IRAK3: variants seen among roughly 807,000 people sequenced by gnomAD.
IRAK3 encodes interleukin 1 receptor associated kinase 3, also known as interleukin-1 receptor-associated kinase 3.
In IRAK3, 57 loss-of-function variants were observed where a neutral mutation model predicts 56.6. That is an observed-to-expected ratio of 1.01 (90% confidence interval 0.81 to 1.26). The LOEUF is 1.26. Among genes scored for constraint, IRAK3 ranks in the 50% most tolerant of loss-of-function variants. IRAK3 has a pLI of 0.00. For missense variants in IRAK3, 703 were observed against 719.0 expected (o/e 0.98, Z 0.25); for synonymous variants, 258 against 255.7 (o/e 1.01, Z -0.09).
intron 6 of IRAK3, among the ~76,000 whole-genome samples, chr12:66,223,858 G>A (rs963355017): frequency 1.3e-5 from 2 of 150,816 alleles, no homozygotes; most frequent in African/African-American, 2.4e-5. Context: ...GGCAAAAACC[G>A]CAGTAATTTT....
In IRAK3 at chr12:66,238,193, C is replaced by G. The variant is rs373377612; in HGVS notation, c.888-6293C>G. On this transcript the variant is annotated intron_variant, in intron 8 of 11. Transcript: ENST00000261233. ...GGAACAGAATGGGGAGAGGCCAAGA[C>G]AGCAGAAAGCATAGTTTGTCCTGAC... Among the ~76,000 whole-genome samples, 6 of 152,306 alleles carry G rather than the reference C, an allele frequency of 3.9e-5. No homozygotes were observed. The East Asian group carries it at 7.7e-4, about 20-fold the overall frequency.
Position 66,248,155 on chromosome 12 carries a change from A to G in IRAK3, c.1775A>G (p.Gln592Arg). Residue 592 changes from glutamine to arginine, a missense_variant, in exon 12 of 12, where the codon CAG (glutamine) becomes CGG (arginine). By Grantham distance (43) the Gln-to-Arg change is conservative (BLOSUM62 1). Transcript: ENST00000261233. Reference protein sequence around the residue: ...SSKFSWDEYEQYKKE With the variant: ...SSKFSWDEYERYKKE Reference sequence around the variant, plus strand: ...AAATTTTCCTGGGATGAATATGAACAGTACAAAAAAGAATAAATTCTACCA... The same window carrying G: ...AAATTTTCCTGGGATGAATATGAACGGTACAAAAAAGAATAAATTCTACCA... 1 of 1,612,446 alleles carries G rather than the reference A, an allele frequency of 6.2e-7. No homozygotes were observed. The highest frequency in any genetic ancestry group is 8.5e-7 in the Non-Finnish European group (1 of 1,178,702).
chr12:66,215,039 T>G (rs1035356854), intron 5 of IRAK3, among the ~76,000 whole-genome samples: 3 of 152,220 alleles, frequency 2.0e-5, no homozygotes, highest in African/African-American at 7.2e-5. Flanking sequence ...TTGCATTTAG[T>G]ACTACTTAAT....
chr12:66,222,072 T>G (rs188316613), intron 6 of IRAK3, among the ~76,000 whole-genome samples: 9 of 152,304 alleles, frequency 5.9e-5, no homozygotes, highest in African/African-American at 2.2e-4. Flanking sequence ...CTGTTGAATT[T>G]AGCTTGCTAA....
At chr12:66,199,760 C>T (rs1486497955) in intron 1 of IRAK3, among the ~76,000 whole-genome samples, 1 of 148,826 alleles carries the variant, frequency 6.7e-6, no homozygotes, top group Non-Finnish European at 1.5e-5. Context: ...TTAGAAATAG[C>T]TAAATAAAGT....
chr12:66,217,855 G>A (rs1275720471), intron 6 of IRAK3, among the ~76,000 whole-genome samples: 1 of 152,078 alleles, frequency 6.6e-6, no homozygotes, highest in African/African-American at 2.4e-5. Context: ...GAAGCAGGGA[G>A]GAAGCTGAAG....
At chr12:66,229,784 C>G (rs551781853) in intron 8 of IRAK3, among the ~76,000 whole-genome samples, 1 of 152,344 alleles carries the variant, frequency 6.6e-6, no homozygotes, top group South Asian at 2.1e-4. Context: ...CCCTCCTCCA[C>G]TCAGCTTGCA....
In IRAK3 at chr12:66,223,517, A is replaced by C. The variant is rs992035202; in HGVS notation, c.654-3206A>C. 4.0e-5 allele frequency among the ~76,000 whole-genome samples: 6 copies of C among 151,262 alleles called. No homozygotes were observed. In the East Asian group the frequency reaches 1.2e-3, roughly 31 times the overall value. ...TACTAAAAATACAAAACATTAGCCA[A>C]GCATGGTGACGGGCGCCTGTAGTCC... On this transcript the variant is annotated intron_variant, in intron 6 of 11. Transcript: ENST00000261233.
rs561201375 is a variant in IRAK3 at position 66,197,148 on chromosome 12, T to A, written c.134-6563T>A. Reference sequence around the variant, plus strand: ...GGCTTATGTGACTCCAATACGACTTTCAACAAAGATTTGTGTTCCAAAAAA... The same window carrying A: ...GGCTTATGTGACTCCAATACGACTTACAACAAAGATTTGTGTTCCAAAAAA... On this transcript the variant is annotated intron_variant, in intron 1 of 11. Coordinates refer to ENST00000261233, the MANE Select transcript of IRAK3 (RefSeq NM_007199.3). 7.0e-5 allele frequency: 88 copies of A among 1,264,062 alleles called. 1 individual carries two copies. The South Asian group carries it at 2.4e-3, about 35-fold the overall frequency. 78.3% of individuals were successfully genotyped at this position (1,264,062 alleles called of 1,614,324 possible).
rs572903734 is a variant in IRAK3, at chr12:66,254,352, T to C, written c.*6181T>C. 2.0e-5 allele frequency: 3 copies of C among 152,272 alleles called. No individual in the cohort carries two copies. In the South Asian group the frequency reaches 6.2e-4, roughly 32 times the overall value. The allele number at this position is 152,272 out of a possible 1,614,324, so 9.4% of individuals were successfully genotyped here. A position where few individuals can be genotyped will look rare whatever the true frequency, so the allele number is the denominator to read the frequency against. ...CATTTAAAAATATTTAGATATATGTTTATTGCTATGGATATATGTTCCCAA... is the reference window on the plus strand; with the variant it reads ...CATTTAAAAATATTTAGATATATGTCTATTGCTATGGATATATGTTCCCAA... On this transcript the variant is annotated 3_prime_UTR_variant, in exon 12 of 12. Transcript: ENST00000261233.
At chr12:66,212,516 T>C (rs1235937202) in intron 5 of IRAK3, among the ~76,000 whole-genome samples, 2 of 152,292 alleles carry the variant, frequency 1.3e-5, no homozygotes, top group Admixed American at 6.5e-5. Context: ...TAAACTCTTA[T>C]ATGGACTGGG....
chr12:66,228,417 C>G (rs767917476), intron 8 of IRAK3, 47 bp downstream of exon 8: 6 of 1,255,288 alleles, frequency 4.8e-6, no homozygotes, highest in Non-Finnish European at 7.0e-6. Flanking sequence ...CTTCTTTTAT[C>G]CTCACATGTG....
intron 3 of IRAK3, 90 bp from the exon 4 acceptor site, chr12:66,210,057 A>C: frequency 1.2e-6 from 1 of 833,530 alleles, no homozygotes. Flanking sequence ...TGCACTGCAT[A>C]GTCCCCAGGG....
intron 1 of IRAK3, among the ~76,000 whole-genome samples, chr12:66,195,635 A>G (rs1249287343): frequency 1.3e-5 from 2 of 151,912 alleles, no homozygotes; most frequent in Admixed American, 6.6e-5. Context: ...TTGTTTAACT[A>G]TTACCTACTC....
intron 1 of IRAK3, among the ~76,000 whole-genome samples, chr12:66,195,753 G>T (rs1348677965): frequency 6.6e-6 from 1 of 151,984 alleles, no homozygotes; most frequent in East Asian, 1.9e-4. Context: ...TCTACCTCCC[G>T]GGTTCAAGAG....
chr12:66,223,557 G>A (rs1464354445), intron 6 of IRAK3, among the ~76,000 whole-genome samples: 1 of 150,832 alleles, frequency 6.6e-6, no homozygotes, highest in African/African-American at 2.4e-5. Flanking sequence ...TACTCGGGAG[G>A]CTGAGGCTAG....
At chr12:66,218,531 AG>A (rs2052699825) in intron 6 of IRAK3, among the ~76,000 whole-genome samples, 1 of 152,202 alleles carries the variant, frequency 6.6e-6, no homozygotes, top group African/African-American at 2.4e-5. Context: ...GTCATATGAG[AG>A]TGCCTGGTTT....
At chr12:66,224,218 A>AT (rs1242538172) in intron 6 of IRAK3, among the ~76,000 whole-genome samples, 1 of 152,114 alleles carries the variant, frequency 6.6e-6, no homozygotes, top group Non-Finnish European at 1.5e-5. Flanking sequence ...TGTTATCTCC[A>AT]TTTTGCAGAT....
Position 66,250,429 on chromosome 12 carries a change from C to T in IRAK3, c.*2258C>T. 1 of 152,176 alleles carries T rather than the reference C, an allele frequency of 6.6e-6. No homozygotes were observed. The highest frequency in any genetic ancestry group is 3.2e-3 in the Middle Eastern group (1 of 316). The allele number at this position is 152,176 out of a possible 1,614,324, so 9.4% of individuals were successfully genotyped here. The stretch of plus-strand genomic sequence containing the variant: ...GACCAAGGTCAGAAACATGGAGTTA[C>T]AATTTTCCAAAAAAGCACGAAGTGA... On this transcript the variant is annotated 3_prime_UTR_variant, in exon 12 of 12. Transcript: ENST00000261233.
Sources: gnomAD v4.1 joint callset for allele counts (sites outside exome capture counted in the v4.1 genomes callset) on GRCh38, gnomAD v4.1.1 for gene constraint, MANE v1.5 for transcripts, NCBI Gene and HGNC (gene_info 2026-07-23, HGNC 2026-07-21) for gene names.